FNDC1: variants seen among roughly 807,000 people sequenced by gnomAD.
FNDC1 encodes fibronectin type III domain-containing protein 1.
Under a neutral mutation model 168.0 loss-of-function variants are expected in FNDC1, and 96 were observed. The observed-to-expected ratio is 0.57, with a 90% CI of 0.48 to 0.68. FNDC1 has a LOEUF of 0.68. Among genes scored for constraint, FNDC1 ranks in the 30% least tolerant of loss-of-function variants. FNDC1 has a pLI of 0.00. For missense variants in FNDC1, 2,587 were observed against 2,482.1 expected (o/e 1.04, Z -0.90); for synonymous variants, 1,099 against 1,025.9 (o/e 1.07, Z -1.36).
rs776548524 is a variant in FNDC1 at position 159,215,025 on chromosome 6, C to T, written c.541C>T (p.Arg181Cys). 1.4e-5 allele frequency: 23 copies of T among 1,613,890 alleles called. No individual in the cohort carries two copies. The highest frequency in any genetic ancestry group is 5.3e-5 in the African/African-American group (4 of 74,932). ...GCTGTCCGTTGCGTGGAAGGCACCA[C>T]GCCTGTCTGGAGCCAAGAGTCCACG... ...DRLSVAWKAPRLSGAKSPRRS... is the reference protein window; with the variant it reads ...DRLSVAWKAPCLSGAKSPRRS... Residue 181 changes from arginine to cysteine, a missense_variant, in exon 5 of 23, where the codon CGC becomes TGC. Coordinates refer to ENST00000297267, the MANE Select transcript of FNDC1 (RefSeq NM_032532.3).
rs1346846561 is a variant in FNDC1 at position 159,261,196 on chromosome 6, T to C, written c.5181T>C (p.Tyr1727=). 2 of 1,609,224 alleles carry C rather than the reference T, an allele frequency of 1.2e-6. No individual in the cohort carries two copies. The highest frequency in any genetic ancestry group is 2.2e-5 in the East Asian group (1 of 44,868). Residue 1727 remains tyrosine, a synonymous_variant, in exon 19 of 23, where the codon TAT becomes TAC. Transcript: ENST00000297267. ...IENLKPNTRY[Y]FKVQAQNPHG... The stretch of plus-strand genomic sequence containing the variant: ...TATCTTCTTCCAACTTCAGGTATTA[T>C]TTTAAAGTGCAAGCACAAAATCCTC...
intron 18 of FNDC1, among the ~76,000 whole-genome samples, chr6:159,259,435 A>G (rs1465558788): frequency 6.6e-6 from 1 of 152,152 alleles, no homozygotes; most frequent in Non-Finnish European, 1.5e-5. Context: ...CAAAATCGAT[A>G]CAAACAGATC....
intron 1 of FNDC1, among the ~76,000 whole-genome samples, chr6:159,190,641 A>G (rs1358442522): frequency 6.6e-6 from 1 of 152,226 alleles, no homozygotes; most frequent in South Asian, 2.1e-4. Context: ...TAGAGCCCAC[A>G]TTCTCCAGTT....
In FNDC1 at chr6:159,233,910, C is replaced by A; in HGVS notation, c.3398C>A (p.Ala1133Asp). 1 of 1,547,854 alleles carries A rather than the reference C, an allele frequency of 6.5e-7. No individual in the cohort carries two copies. The change falls in exon 11 of 23, where the codon GCC (alanine) becomes GAC (aspartate). Residue 1133 changes from alanine to aspartate, a missense_variant. Transcript: ENST00000297267. This position sits in a 1 kb window ranked among gnomAD's most constrained non-coding sequence, Gnocchi z 4.6. Reference sequence around the variant, plus strand: ...CACAGGTCCCAGCGCGGACATGCGGCCTCCCCCGCCAGGCCCAGCCGACCC... The same window carrying A: ...CACAGGTCCCAGCGCGGACATGCGGACTCCCCCGCCAGGCCCAGCCGACCC... ...GDHRSQRGHA[A>D]SPARPSRPGG...
rs1288926571 is a variant in FNDC1, at chr6:159,247,117, G to A, written c.4690+148G>A. On this transcript the variant is annotated intron_variant, in intron 15 of 22. Transcript: ENST00000297267. The stretch of plus-strand genomic sequence containing the variant: ...GCCGAGGGCTGGCTTAGGGAAGGGT[G>A]GTTGTACCCCACGCTTCCTTGTCAC... 5 of 650,754 alleles carry A rather than the reference G, an allele frequency of 7.7e-6. No homozygotes were observed. In the Admixed American group the frequency reaches 1.2e-4, roughly 16 times the overall value. 40.3% of individuals were successfully genotyped at this position (650,754 alleles called of 1,614,324 possible).
Position 159,234,069 on chromosome 6 carries a change from G to C in FNDC1, c.3557G>C (p.Gly1186Ala), listed in dbSNP as rs756066825. ...GAGGACGACGAGGAGGAGGACGCGG[G>C]ATTTTTTAAAGGCGGGAAAGAAGAC... ...SAEDDEEEDA[G>A]FFKGGKEDLL... Residue 1186 changes from glycine to alanine, a missense_variant, in exon 11 of 23, where the codon GGA becomes GCA. By Grantham distance (60) the Gly-to-Ala change is moderately conservative. Transcript: ENST00000297267. 2.1e-5 allele frequency: 34 copies of C among 1,612,498 alleles called. No homozygotes were observed. The highest frequency in any genetic ancestry group is 3.3e-4 in the Middle Eastern group (2 of 6,078).
intron 6 of FNDC1, 111 bp downstream of exon 6, chr6:159,221,807 A>G (rs953480164): frequency 2.3e-6 from 2 of 885,690 alleles, no homozygotes; most frequent in Non-Finnish European, 3.6e-6. Flanking sequence ...TGAGGCTAAA[A>G]GAAATAACAG....
intron 15 of FNDC1, among the ~76,000 whole-genome samples, chr6:159,248,646 T>A (rs1474985594): frequency 2.0e-5 from 3 of 152,208 alleles, no homozygotes; most frequent in African/African-American, 7.2e-5. Context: ...TATTTTTTGA[T>A]GTTACCTTTT....
At chr6:159,225,801 C>T (rs1045628254) in intron 8 of FNDC1, 79 bp downstream of exon 8, 11 of 1,303,078 alleles carry the variant, frequency 8.4e-6, no homozygotes, top group Non-Finnish European at 1.2e-5. Context: ...TGTAAGATGC[C>T]AATAGTGACA....
intron 21 of FNDC1, 83 bp downstream of exon 21, chr6:159,266,328 G>C: frequency 7.0e-7 from 1 of 1,437,690 alleles, no homozygotes; most frequent in Non-Finnish European, 9.7e-7. Context: ...CAGGTGCATC[G>C]GAATGTTTAT....
chr6:159,207,671 T>A (rs1255094801), intron 4 of FNDC1, among the ~76,000 whole-genome samples: 1 of 152,218 alleles, frequency 6.6e-6, no homozygotes, highest in Admixed American at 6.5e-5. Context: ...ATTGGATCTT[T>A]CATTTGCAAG....
At chr6:159,257,190 A>G (rs1172464584) in intron 18 of FNDC1, among the ~76,000 whole-genome samples, 2 of 152,202 alleles carry the variant, frequency 1.3e-5, no homozygotes, top group African/African-American at 2.4e-5. Flanking sequence ...CCAGGAGCAC[A>G]AAGACAGTGA....
chr6:159,240,051 G>A, intron 14 of FNDC1, 94 bp downstream of exon 14: 1 of 1,202,882 alleles, frequency 8.3e-7, no homozygotes. Context: ...GGAGGTATGA[G>A]CACCGTGCAC....
At position 159,200,536 on chromosome 6, in the gene FNDC1, G is replaced by T. The variant is rs200711630; in HGVS notation, c.415G>T (p.Gly139Cys). ...PPGGEWIEID[G>C]FPIKGPGPFN... ...AGGAGGTGAATGGATCGAGATTGAT[G>T]GTTTTCCCATTAAGGGTCCAGGACC... The change falls in exon 4 of 23, where the codon GGT (glycine) becomes TGT (cysteine). Residue 139 changes from glycine to cysteine, a missense_variant. Transcript: ENST00000297267. 5.6e-6 allele frequency: 9 copies of T among 1,600,416 alleles called. No homozygotes were observed. In the African/African-American group the frequency reaches 1.2e-4, roughly 21 times the overall value.
intron 1 of FNDC1, among the ~76,000 whole-genome samples, chr6:159,187,100 C>G (rs1668478068): frequency 6.6e-6 from 1 of 152,148 alleles, no homozygotes; most frequent in South Asian, 2.1e-4. Context: ...TTGGCTGCAG[C>G]CAGTAATGGG....
rs199666382 is a variant in FNDC1, at chr6:159,241,575, T to C, written c.4621+1618T>C. Among the ~76,000 whole-genome samples, 8 of 152,346 alleles carry C rather than the reference T, an allele frequency of 5.3e-5. No individual in the cohort carries two copies. The East Asian group carries it at 1.5e-3, about 29-fold the overall frequency. ...AATAAGTACAAATCAATACACAGTC[T>C]TATGGAAAAGTTAAATGTGGGGACA... On this transcript the variant is annotated intron_variant, in intron 14 of 22. Transcript: ENST00000297267.
Position 159,223,621 on chromosome 6 carries a change from A to G in FNDC1, c.860A>G (p.Lys287Arg). The change falls in exon 7 of 23, where the codon AAA becomes AGA. Residue 287 changes from lysine (K) to arginine (R), a missense_variant. By Grantham distance (26) the Lys-to-Arg change is conservative. Transcript: ENST00000297267. ...TCCTGGGTGGATCCTGTTCTGGAAA[A>G]ACAGAAGAAAGTTGTTGCATCAAGG... is the stretch of plus-strand genomic sequence containing the variant. ...LVSWVDPVLE[K>R]QKKVVASRQY... 8 of 1,612,368 alleles carry G rather than the reference A, an allele frequency of 5.0e-6. No individual in the cohort carries two copies. Among genetic ancestry groups the G allele is most frequent in the Non-Finnish European group, 6.8e-6 (8 of 1,178,992 alleles).
intron 6 of FNDC1, 146 bp downstream of exon 6, chr6:159,221,842 G>T (rs1782831845): frequency 2.9e-6 from 2 of 682,692 alleles, no homozygotes; most frequent in African/African-American, 1.8e-5. Flanking sequence ...CATTTTGGGT[G>T]TAAGCGTGCT....
Position 159,238,545 on chromosome 6 carries a change from T to A in FNDC1, c.4069-9T>A. ...CCAATATATTCTTTAATCTATGTCA[T>A]GGATTTAGGTTGTGGACCTTGATCG... On this transcript the variant is annotated splice_polypyrimidine_tract_variant and intron_variant, in intron 12 of 22. Transcript: ENST00000297267. 6.3e-7 allele frequency: 1 copy of A among 1,586,978 alleles called. No homozygotes were observed. The highest frequency in any genetic ancestry group is 8.6e-7 in the Non-Finnish European group (1 of 1,160,290).
Sources: gnomAD v4.1 joint callset for allele counts (sites outside exome capture counted in the v4.1 genomes callset) on GRCh38, gnomAD v4.1.1 for gene constraint, Gnocchi (gnomAD v3.1) non-coding constraint, MANE v1.5 for transcripts, NCBI Gene and HGNC (gene_info 2026-07-23, HGNC 2026-07-21) for gene names.